Variants in WDR11 observed in about 807,000 individuals in gnomAD.
WDR11 encodes WD repeat domain 11, also known as WD repeat-containing protein 11.
A neutral mutation model predicts 151.2 loss-of-function variants in WDR11; 83 were observed. That is an observed-to-expected ratio of 0.55 (90% CI 0.46 to 0.66). The LOEUF (loss-of-function observed/expected upper bound fraction) is 0.66, where lower values mean the gene tolerates loss of function less well. WDR11 is among the 30% of genes least tolerant of loss of function. The probability of loss-of-function intolerance (pLI) is 0.00; values close to 1 mark genes in which losing one functional copy is unlikely to be tolerated. For missense variants in WDR11, 1,301 were observed against 1,480.9 expected, an observed-to-expected ratio of 0.88 and a Z score of 1.99; for synonymous variants, 484 against 533.1, an observed-to-expected ratio of 0.91 and a Z score of 1.27.
At chr10:120,892,328 A>G (rs1378064577) in intron 19 of WDR11, among the ~76,000 whole-genome samples, 1 of 152,118 alleles carries the variant, frequency 6.6e-6, no homozygotes, top group Non-Finnish European at 1.5e-5. Context: ...TCAATCTCTA[A>G]TGTTACAGCC....
intron 19 of WDR11, among the ~76,000 whole-genome samples, chr10:120,892,134 A>G (rs867778891): frequency 2.0e-5 from 3 of 152,262 alleles, no homozygotes; most frequent in Admixed American, 6.5e-5. Context: ...CACTTTTAAT[A>G]TAAAATTTGA....
chr10:120,897,322 A>G (rs957265719), intron 19 of WDR11, among the ~76,000 whole-genome samples: 1 of 152,216 alleles, frequency 6.6e-6, no homozygotes, highest in African/African-American at 2.4e-5. Flanking sequence ...AATTAATTGT[A>G]TACACAAGCA....
At chr10:120,892,488 A>T (rs151116482) in intron 19 of WDR11, among the ~76,000 whole-genome samples, 6 of 152,316 alleles carry the variant, frequency 3.9e-5, no homozygotes, top group African/African-American at 1.2e-4. Context: ...GAGGAAAAAG[A>T]CATCTGTGTG....
Position 120,865,620 on chromosome 10 carries a change from C to T in WDR11, c.880-10C>T, listed in dbSNP as rs757008798. ...GTGTTTTAAAAAATAAATATATCAT[C>T]TATTTAAAGGTAATACCCTGCTTTC... On this transcript the variant is annotated splice_polypyrimidine_tract_variant and intron_variant, in intron 6 of 28. Transcript: ENST00000263461. The T allele has an allele frequency of 1.3e-6, 2 of 1,521,780 alleles. No homozygotes were observed. The highest frequency in any genetic ancestry group is 2.3e-5 in the South Asian group (2 of 87,508). 94.3% of individuals were successfully genotyped at this position (1,521,780 alleles called of 1,614,324 possible). A position where few individuals can be genotyped will look rare whatever the true frequency, so the allele number is the denominator to read the frequency against.
chr10:120,856,222 T>A (rs1267410530), intron 2 of WDR11: 1 of 152,206 alleles, frequency 6.6e-6, no homozygotes, highest in Non-Finnish European at 1.5e-5. Context: ...CGAAAGATAA[T>A]TTTCAAAGGA....
chr10:120,882,544 G>GT (rs367918882), intron 13 of WDR11, among the ~76,000 whole-genome samples: 6,311 of 142,352 alleles, frequency 0.044, 150 homozygotes, highest in Middle Eastern at 0.06. Flanking sequence ...ATTCAGTTTT[G>GT]TTTTTTTTTT....
At chr10:120,865,829 A>T in intron 7 of WDR11, 85 bp downstream of exon 7, 1 of 848,364 alleles carries the variant, frequency 1.2e-6, no homozygotes, top group South Asian at 1.5e-5. Flanking sequence ...GCCAAGGTAT[A>T]TAGTTAATGA....
chr10:120,874,188 T>TTG (rs1846658550), intron 11 of WDR11, among the ~76,000 whole-genome samples: 1 of 90,822 alleles, frequency 1.1e-5, no homozygotes, highest in Non-Finnish European at 2.3e-5. Flanking sequence ...TTTTTTTTTT[T>TTG]TTTTGTTGTT....
intron 2 of WDR11, among the ~76,000 whole-genome samples, chr10:120,856,789 A>T (rs892337774): frequency 7.2e-5 from 11 of 152,052 alleles, no homozygotes; most frequent in African/African-American, 2.2e-4. Flanking sequence ...ACATATACAA[A>T]TATATACACA....
At chr10:120,906,600 T>TGTGA (rs1848057414) in intron 27 of WDR11, 176 bp from the exon 28 acceptor site, 3 of 1,472,264 alleles carry the variant, frequency 2.0e-6, no homozygotes, top group African/African-American at 2.8e-5. Flanking sequence ...TGTTTGGAGA[T>TGTGA]GTGAGTATTC....
intron 23 of WDR11, 133 bp downstream of exon 23, chr10:120,903,365 C>G (rs752517581): frequency 1.1e-4 from 132 of 1,169,464 alleles, no homozygotes; most frequent in Non-Finnish European, 1.5e-4. Context: ...TGAAAATTAG[C>G]TGGGTGTGGT....
At chr10:120,907,812 T>TTC (rs1398997340) in intron 28 of WDR11, 1 of 151,304 alleles carries the variant, frequency 6.6e-6, no homozygotes. Flanking sequence ...GCCTGGCTTT[T>TTC]TTTTTTTTTT....
intron 28 of WDR11, chr10:120,908,090 T>C (rs1848134474): frequency 5.5e-6 from 1 of 182,170 alleles, no homozygotes; most frequent in East Asian, 1.3e-4. Context: ...AAAATAAAAA[T>C]AAATAAAAAA....
Position 120,889,606 on chromosome 10 carries a change from G to A in WDR11, c.2229-289G>A, listed in dbSNP as rs116261170. 1,251 of 458,530 alleles carry A rather than the reference G, an allele frequency of 2.7e-3. 10 individuals are homozygous for A. Among genetic ancestry groups the A allele is most frequent in the African/African-American group, 0.023 (1,146 of 50,754 alleles). The allele number at this position is 458,530 out of a possible 1,614,324, so 28.4% of individuals were successfully genotyped here. On this transcript the variant is annotated intron_variant, in intron 17 of 28. Coordinates refer to ENST00000263461, the MANE Select transcript of WDR11 (RefSeq NM_018117.12). ...CTTGGCAAGAAGGATCAGTAAACTC[G>A]TGGAGGTGTAGCTTGGACCCTTGGG...
chr10:120,896,566 C>A (rs374962461), intron 19 of WDR11, among the ~76,000 whole-genome samples: 1 of 152,160 alleles, frequency 6.6e-6, no homozygotes, highest in East Asian at 1.9e-4. Flanking sequence ...AACTAAAACA[C>A]AGAACTTCCC....
Position 120,908,845 on chromosome 10 carries a change from ACT to A in WDR11, c.*133_*134del. The A allele has an allele frequency of 7.1e-6, 7 of 979,770 alleles. No homozygotes were observed. Among genetic ancestry groups the A allele is most frequent in the South Asian group, 4.0e-5 (3 of 74,604 alleles). The allele number at this position is 979,770 out of a possible 1,614,324, so 60.7% of individuals were successfully genotyped here. On this transcript the variant is annotated 3_prime_UTR_variant, in exon 29 of 29. Coordinates refer to ENST00000263461, the MANE Select transcript of WDR11 (RefSeq NM_018117.12). ...TGAGCTGTTTGACCACTGTTCTAAG[ACT>A]ATGTGTGCCCAAAAGCACATAAGCA...
intron 17 of WDR11, 65 bp from the exon 18 acceptor site, chr10:120,889,830 A>T (rs950889818): frequency 9.3e-7 from 1 of 1,075,476 alleles, no homozygotes; most frequent in Admixed American, 1.8e-5. Flanking sequence ...GAGATGTTAG[A>T]CATAGCTTCT....
chr10:120,891,742 G>T (rs1847436126), intron 19 of WDR11, among the ~76,000 whole-genome samples: 1 of 152,310 alleles, frequency 6.6e-6, no homozygotes, highest in Admixed American at 6.5e-5. Flanking sequence ...TTCACTTTGT[G>T]TTCATGCTTG....
Position 120,902,135 on chromosome 10 carries a change from T to G in WDR11, c.2688-122T>G, listed in dbSNP as rs530512362. ...GGTCATGGTAAAGTACCTTGTCTTGTGTAAATTCTAAACATGTTATTTGAC... is the reference window on the plus strand; with the variant it reads ...GGTCATGGTAAAGTACCTTGTCTTGGGTAAATTCTAAACATGTTATTTGAC... On this transcript the variant is annotated intron_variant, in intron 21 of 28. Transcript: ENST00000263461. 65 of 829,514 alleles carry G rather than the reference T, an allele frequency of 7.8e-5. No homozygotes were observed. In the South Asian group the frequency reaches 8.6e-4, roughly 11 times the overall value. 51.4% of individuals were successfully genotyped at this position (829,514 alleles called of 1,614,324 possible).
Sources: allele counts gnomAD v4.1 joint callset (sites outside exome capture counted in the v4.1 genomes callset), GRCh38; gene constraint gnomAD v4.1.1; transcripts MANE v1.5; gene names NCBI Gene and HGNC (gene_info 2026-07-23, HGNC 2026-07-21).